ERC2: variants seen among roughly 807,000 people sequenced by gnomAD.
ERC2 encodes the protein ERC protein 2.
ERC2 carries 42 observed loss-of-function variants against 114.8 expected under a neutral mutation model. The ratio of observed to expected loss-of-function variants is 0.37; its 90% CI spans 0.29 to 0.47. The LOEUF is 0.47. Ranked by LOEUF, ERC2 falls within the 20% of genes least tolerant of loss-of-function variation. The probability of loss-of-function intolerance (pLI) is 0.99; values close to 1 mark genes in which losing one functional copy is unlikely to be tolerated. For synonymous variants in ERC2, 454 were observed against 425.5 expected (o/e 1.07, Z -0.82); for missense variants, 939 against 1,150.7 (o/e 0.82, Z 2.66).
intron 3 of ERC2, among the ~76,000 whole-genome samples, chr3:56,293,130 A>G (rs975297592): frequency 6.6e-6 from 1 of 152,264 alleles, no homozygotes; most frequent in African/African-American, 2.4e-5. Flanking sequence ...GAATAAATGA[A>G]TGAATGAATG....
chr3:55,756,049 C>A (rs534863917), intron 14 of ERC2, among the ~76,000 whole-genome samples: 1 of 152,100 alleles, frequency 6.6e-6, no homozygotes, highest in Non-Finnish European at 1.5e-5. Flanking sequence ...TTGGCAGTCC[C>A]TCTGTGGTTC....
chr3:56,227,592 A>C (rs2050334738), intron 3 of ERC2, among the ~76,000 whole-genome samples: 1 of 152,034 alleles, frequency 6.6e-6, no homozygotes, highest in African/African-American at 2.4e-5. Context: ...TCTGCACCCA[A>C]AAACTAGTTT....
intron 3 of ERC2, among the ~76,000 whole-genome samples, chr3:56,275,847 G>T (rs1270574693): frequency 6.6e-6 from 1 of 152,182 alleles, no homozygotes. Flanking sequence ...GGGGAGTAAT[G>T]CTACTAACAT....
intron 2 of ERC2, among the ~76,000 whole-genome samples, chr3:56,342,729 CT>C (rs2058137989): frequency 6.6e-6 from 1 of 152,148 alleles, no homozygotes. Flanking sequence ...TTCATATATT[CT>C]AGACCTCACC....
chr3:56,320,338 C>T (rs2057071124), intron 2 of ERC2, among the ~76,000 whole-genome samples: 1 of 152,200 alleles, frequency 6.6e-6, no homozygotes, highest in East Asian at 1.9e-4. Flanking sequence ...TAACTCTCAA[C>T]CTAGAACTTT....
chr3:55,651,374 C>T (rs565107743), intron 17 of ERC2, among the ~76,000 whole-genome samples: 5 of 152,098 alleles, frequency 3.3e-5, no homozygotes, highest in African/African-American at 1.2e-4. Flanking sequence ...GAAAGTTCAG[C>T]CATAAGAGTT....
At chr3:56,022,483 T>C (rs1290135075) in intron 7 of ERC2, among the ~76,000 whole-genome samples, 2 of 152,196 alleles carry the variant, frequency 1.3e-5, no homozygotes, top group Non-Finnish European at 2.9e-5. Context: ...AATCCTTTCA[T>C]ACTCCAAAGA....
chr3:55,799,671 C>T (rs780215310), intron 14 of ERC2, among the ~76,000 whole-genome samples: 4 of 151,828 alleles, frequency 2.6e-5, no homozygotes, highest in Non-Finnish European at 4.4e-5. Flanking sequence ...CTGTATGGTG[C>T]CATCTCTCCC....
At chr3:55,928,476 T>C (rs747820423) in intron 13 of ERC2, among the ~76,000 whole-genome samples, 4 of 152,192 alleles carry the variant, frequency 2.6e-5, no homozygotes, top group Non-Finnish European at 4.4e-5. Context: ...TTTTTTCTTA[T>C]AGAGTTGTTA....
chr3:55,712,675 AATG>A (rs2063834723), intron 15 of ERC2, among the ~76,000 whole-genome samples: 1 of 152,162 alleles, frequency 6.6e-6, no homozygotes, highest in African/African-American at 2.4e-5. Context: ...GCTATTTGAT[AATG>A]TATTAAGCAG....
intron 17 of ERC2, among the ~76,000 whole-genome samples, chr3:55,614,723 C>T (rs1457802781): frequency 6.6e-6 from 1 of 152,148 alleles, no homozygotes; most frequent in Non-Finnish European, 1.5e-5. Flanking sequence ...TTAGAGGCCC[C>T]TACAAAGTAG....
At chr3:56,230,471 G>A (rs988170192) in intron 3 of ERC2, among the ~76,000 whole-genome samples, 2 of 151,980 alleles carry the variant, frequency 1.3e-5, no homozygotes, top group African/African-American at 4.8e-5. Context: ...TCTTGCCCAG[G>A]TTGATCTAGA....
chr3:55,741,480 C>G (rs1220613103), intron 14 of ERC2, among the ~76,000 whole-genome samples: 1 of 152,122 alleles, frequency 6.6e-6, no homozygotes, highest in Non-Finnish European at 1.5e-5. Context: ...AAAGCATTAC[C>G]TTCTAGAATC....
At chr3:56,420,311 A>G (rs2061338345) in intron 2 of ERC2, among the ~76,000 whole-genome samples, 1 of 150,908 alleles carries the variant, frequency 6.6e-6, no homozygotes, top group Admixed American at 6.6e-5. Context: ...CAGCCTCACA[A>G]GTAGCTGGGA....
At chr3:56,290,840 C>A (rs1009101293) in intron 3 of ERC2, among the ~76,000 whole-genome samples, 8 of 152,172 alleles carry the variant, frequency 5.3e-5, no homozygotes, top group Non-Finnish European at 1.2e-4. Context: ...TGTCTGCCCA[C>A]CCCCAGCACA....
intron 3 of ERC2, among the ~76,000 whole-genome samples, chr3:56,202,189 C>T (rs1228736207): frequency 6.6e-6 from 1 of 152,126 alleles, no homozygotes; most frequent in Non-Finnish European, 1.5e-5. Flanking sequence ...AGGTAAAAAC[C>T]TCATTTGGGT....
chr3:56,171,930 T>A (rs1233165656), intron 4 of ERC2, among the ~76,000 whole-genome samples: 1 of 132,598 alleles, frequency 7.5e-6, no homozygotes, highest in Non-Finnish European at 1.6e-5. Context: ...ACTGGGAAGG[T>A]GGGTGTGGAG....
intron 17 of ERC2, among the ~76,000 whole-genome samples, chr3:55,599,208 C>T (rs928061579): frequency 2.6e-5 from 4 of 152,164 alleles, no homozygotes; most frequent in East Asian, 1.9e-4. Flanking sequence ...TGGGAAGCCA[C>T]GTTGCCTGCT....
chr3:55,551,678 G>C (rs1053246098), intron 17 of ERC2, among the ~76,000 whole-genome samples: 1 of 152,180 alleles, frequency 6.6e-6, no homozygotes, highest in Non-Finnish European at 1.5e-5. Flanking sequence ...TTCCTCCCTA[G>C]TCTCTGTTCA....
Sources: gnomAD v4.1 joint callset for allele counts (sites outside exome capture counted in the v4.1 genomes callset) on GRCh38, gnomAD v4.1.1 for gene constraint, MANE v1.5 for transcripts, NCBI Gene and HGNC (gene_info 2026-07-23, HGNC 2026-07-21) for gene names.